The following PIK3R3 variants were observed in gnomAD, a reference collection of about 807,000 sequenced individuals.
The protein encoded by PIK3R3 is phosphatidylinositol 3-kinase regulatory subunit gamma.
In PIK3R3, 64 loss-of-function variants were observed where a neutral mutation model predicts 62.9. That is an observed-to-expected ratio of 1.02 (90% CI 0.83 to 1.25). The LOEUF (loss-of-function observed/expected upper bound fraction) is 1.25. Among genes scored for constraint, PIK3R3 ranks in the 50% most tolerant of loss-of-function variants. PIK3R3 has a pLI of 0.00. For missense variants in PIK3R3, 614 were observed against 561.6 expected (o/e 1.09, Z -0.94); for synonymous variants, 165 against 189.0 (o/e 0.87, Z 1.04).
intron 1 of PIK3R3, among the ~76,000 whole-genome samples, chr1:46,082,521 T>C (rs1650695019): frequency 6.6e-6 from 1 of 152,194 alleles, no homozygotes; most frequent in South Asian, 2.1e-4. Context: ...ACAGCAGTGT[T>C]AGTTTTCTGA....
the PIK3R3 span, among the ~76,000 whole-genome samples, chr1:46,162,350 G>A: frequency 1.3e-4 from 19 of 151,786 alleles, no homozygotes; most frequent in African/African-American, 4.1e-4. Context: ...TGGGAGTGAC[G>A]GTGTGTGCCT....
Position 46,067,492 on chromosome 1 carries a change from C to A in PIK3R3, c.315-401G>T, listed in dbSNP as rs528932597. On this transcript the variant is annotated intron_variant, in intron 3 of 9. Transcript: ENST00000262741. Reference sequence around the variant, plus strand: ...AAGAACAGAAAAAATCTCTTAAGGACCTAAAGATATGTGGTTGTATGTCTC... The same window carrying A: ...AAGAACAGAAAAAATCTCTTAAGGAACTAAAGATATGTGGTTGTATGTCTC... Among the ~76,000 whole-genome samples the A allele has an allele frequency of 3.3e-5, 5 of 150,774 alleles. No individual in the cohort carries two copies. In the East Asian group the frequency reaches 7.8e-4, roughly 23 times the overall value.
chr1:46,059,739 A>G (rs1369483525), intron 6 of PIK3R3, among the ~76,000 whole-genome samples: 1 of 152,186 alleles, frequency 6.6e-6, no homozygotes, highest in Admixed American at 6.5e-5. Flanking sequence ...GGCTGCAGTG[A>G]GCCATGATCA....
the PIK3R3 span, among the ~76,000 whole-genome samples, chr1:46,144,484 C>G: frequency 2.0e-5 from 3 of 152,218 alleles, no homozygotes; most frequent in African/African-American, 7.2e-5. Context: ...AATACTCAAT[C>G]CTCGGCCAGG....
At chr1:46,123,652 G>C (rs1192179333) in intron 1 of PIK3R3, among the ~76,000 whole-genome samples, 1 of 152,202 alleles carries the variant, frequency 6.6e-6, no homozygotes, top group Non-Finnish European at 1.5e-5. Flanking sequence ...TAGAGGTACT[G>C]GTTAAGAACC....
At chr1:46,086,654 C>T (rs888023328) in intron 1 of PIK3R3, among the ~76,000 whole-genome samples, 2 of 152,046 alleles carry the variant, frequency 1.3e-5, no homozygotes, top group Admixed American at 6.6e-5. Context: ...GAGCCGAGAT[C>T]GTGCCATTGC....
At chr1:46,121,665 T>C (rs1654693602) in intron 1 of PIK3R3, among the ~76,000 whole-genome samples, 1 of 152,014 alleles carries the variant, frequency 6.6e-6, no homozygotes, top group African/African-American at 2.4e-5. Context: ...AATAAATAGT[T>C]AATAAATAAA....
At position 46,095,517 on chromosome 1, in the gene PIK3R3, G is replaced by A. The variant is rs189866017; in HGVS notation, c.107-14767C>T. Among the ~76,000 whole-genome samples the A allele has an allele frequency of 7.4e-4, 112 of 152,236 alleles. 1 individual carries two copies. The highest frequency in any genetic ancestry group is 6.8e-3 in the Middle Eastern group (2 of 294). On this transcript the variant is annotated intron_variant, in intron 1 of 9. Transcript: ENST00000262741. ...TCTGGGGCCTGTCGCGGGGTGGTAG[G>A]GGGAGAGAGAGCATCAGGAGGAATA...
chr1:46,118,648 C>T (rs1032657318), intron 1 of PIK3R3, among the ~76,000 whole-genome samples: 5 of 151,404 alleles, frequency 3.3e-5, no homozygotes, highest in African/African-American at 9.7e-5. Flanking sequence ...CTCTGCCTCC[C>T]GGGTTCAAGC....
chr1:46,109,745 G>A (rs1653565172), intron 1 of PIK3R3, among the ~76,000 whole-genome samples: 1 of 152,034 alleles, frequency 6.6e-6, no homozygotes, highest in Non-Finnish European at 1.5e-5. Context: ...GCCTCCCAAA[G>A]TTCTGGGATT....
chr1:46,072,950 T>A (rs1180358942), intron 3 of PIK3R3, among the ~76,000 whole-genome samples: 1 of 84,928 alleles, frequency 1.2e-5, no homozygotes, highest in Non-Finnish European at 2.7e-5. Flanking sequence ...AAAATACAAA[T>A]ATAAATAAAT....
chr1:46,074,755 T>C (rs1363918751), intron 3 of PIK3R3, among the ~76,000 whole-genome samples: 1 of 152,098 alleles, frequency 6.6e-6, no homozygotes, highest in East Asian at 1.9e-4. Flanking sequence ...GAGCTCAACG[T>C]CCCCAGCCTC....
chr1:46,066,805 A>G (rs1571397595), intron 4 of PIK3R3, 106 bp downstream of exon 4: 1 of 918,926 alleles, frequency 1.1e-6, no homozygotes, highest in East Asian at 2.5e-5. Context: ...TAAATAAATA[A>G]CAAAATGGCT....
At chr1:46,100,913 A>G (rs1232546518) in intron 1 of PIK3R3, among the ~76,000 whole-genome samples, 1 of 152,106 alleles carries the variant, frequency 6.6e-6, no homozygotes, top group Non-Finnish European at 1.5e-5. Flanking sequence ...GTAGGCCAGG[A>G]ACTGTGGCTC....
chr1:46,088,601 A>G (rs1445510652), intron 1 of PIK3R3, among the ~76,000 whole-genome samples: 2 of 152,162 alleles, frequency 1.3e-5, no homozygotes, highest in Non-Finnish European at 2.9e-5. Context: ...AAGTGGAACA[A>G]AGAGAGAAAG....
the PIK3R3 span, among the ~76,000 whole-genome samples, chr1:46,139,415 C>T: frequency 6.6e-6 from 1 of 152,070 alleles, no homozygotes; most frequent in East Asian, 1.9e-4. Flanking sequence ...AAGCAATTCT[C>T]CTGCCTCAGC....
chr1:46,095,264 A>C (rs1652010485), intron 1 of PIK3R3, among the ~76,000 whole-genome samples: 1 of 152,204 alleles, frequency 6.6e-6, no homozygotes, highest in Non-Finnish European at 1.5e-5. Context: ...GATAAAGAAA[A>C]TGTGGTATAT....
At chr1:46,048,919 T>G (rs1036300770) in intron 7 of PIK3R3, among the ~76,000 whole-genome samples, 1 of 152,128 alleles carries the variant, frequency 6.6e-6, no homozygotes, top group Non-Finnish European at 1.5e-5. Flanking sequence ...AAACCTCAAA[T>G]AGCTTTAGTA....
intron 1 of PIK3R3, among the ~76,000 whole-genome samples, chr1:46,095,925 T>C (rs549002058): frequency 3.9e-5 from 6 of 152,298 alleles, no homozygotes; most frequent in East Asian, 3.9e-4. Flanking sequence ...ATAAATTTCC[T>C]CCTGATAGCA....
Sources: allele counts gnomAD v4.1 joint callset (sites outside exome capture counted in the v4.1 genomes callset), GRCh38; gene constraint gnomAD v4.1.1; transcripts MANE v1.5; gene names NCBI Gene and HGNC (gene_info 2026-07-23, HGNC 2026-07-21).